The following MRPS6 variants were observed in gnomAD, a reference collection of about 807,000 sequenced individuals.
MRPS6 encodes small ribosomal subunit protein bS6m.
In MRPS6, 6 loss-of-function variants were observed where a neutral mutation model predicts 13.1. The observed-to-expected ratio is 0.46, with a 90% CI of 0.25 to 0.91. The LOEUF (loss-of-function observed/expected upper bound fraction) is 0.91, where lower values mean the gene tolerates loss of function less well. Ranked by LOEUF, MRPS6 falls within the 40% of genes least tolerant of loss-of-function variation. MRPS6 has a pLI of 0.18. For synonymous variants in MRPS6, 61 were observed against 56.5 expected (o/e 1.08, Z -0.36); for missense variants, 164 against 155.6 (o/e 1.05, Z -0.29).
intron 1 of MRPS6, among the ~76,000 whole-genome samples, chr21:34,112,786 G>A (rs1979756424): frequency 6.6e-6 from 1 of 151,990 alleles, no homozygotes; most frequent in South Asian, 2.1e-4. Context: ...TTTTTAAAAT[G>A]TCATGAGTGA....
intron 1 of MRPS6, chr21:34,100,521 T>A: frequency 1.0e-6 from 1 of 1,000,264 alleles, no homozygotes; most frequent in Non-Finnish European, 1.2e-6. Flanking sequence ...CTCCTAGGGC[T>A]TCCTTTTCAC....
intron 1 of MRPS6, chr21:34,103,680 TCA>T (rs1979349990): frequency 2.0e-6 from 2 of 1,000,066 alleles, no homozygotes; most frequent in South Asian, 9.4e-5. Context: ...GGTATTTGTC[TCA>T]GAGTTGCTAT....
At position 34,106,159 on chromosome 21, in the gene MRPS6, A is replaced by G. The variant is rs561454208; in HGVS notation, c.46-19182A>G. On this transcript the variant is annotated intron_variant, in intron 1 of 2. Coordinates refer to ENST00000399312, the MANE Select transcript of MRPS6 (RefSeq NM_032476.4). ...AGATGAACTACATTTCTTGCAAAGT[A>G]CATTCCTTTCTGTGGTATTTTGTCC... 18 of 992,744 alleles carry G rather than the reference A, an allele frequency of 1.8e-5. No homozygotes were observed. In the East Asian group the frequency reaches 1.9e-3, roughly 107 times the overall value. 61.5% of individuals were successfully genotyped at this position (992,744 alleles called of 1,614,324 possible).
intron 1 of MRPS6, among the ~76,000 whole-genome samples, chr21:34,091,496 A>G (rs2148657748): frequency 6.6e-6 from 1 of 152,230 alleles, no homozygotes; most frequent in Middle Eastern, 3.4e-3. Context: ...AACTAATTAC[A>G]TTTTGGTTAA....
At chr21:34,136,517 G>A (rs971500279) in intron 2 of MRPS6, among the ~76,000 whole-genome samples, 2 of 152,204 alleles carry the variant, frequency 1.3e-5, no homozygotes, top group Non-Finnish European at 2.9e-5. Flanking sequence ...TGGCACTTTA[G>A]TAGGTATCTC....
rs776079972 is a variant in MRPS6 at position 34,098,608 on chromosome 21, A to G, written c.45+24863A>G. 187 of 1,000,180 alleles carry G rather than the reference A, an allele frequency of 1.9e-4. 1 individual carries two copies. The highest frequency in any genetic ancestry group is 1.1e-4 in the East Asian group (1 of 8,824). The allele number at this position is 1,000,180 out of a possible 1,614,324, so 62.0% of individuals were successfully genotyped here. ...ATACTTTGCTGTTGTTAGGTTGTCA[A>G]TATAGTCTTTCTGTAGGATGGATAG... On this transcript the variant is annotated intron_variant, in intron 1 of 2. Coordinates refer to ENST00000399312, the MANE Select transcript of MRPS6 (RefSeq NM_032476.4).
chr21:34,101,081 A>G, intron 1 of MRPS6: 1 of 1,000,128 alleles, frequency 1.0e-6, no homozygotes, highest in Non-Finnish European at 1.2e-6. Context: ...CTTTCCTGTT[A>G]AATTACGTGA....
intron 1 of MRPS6, among the ~76,000 whole-genome samples, chr21:34,110,163 C>A (rs1241890543): frequency 6.6e-6 from 1 of 152,098 alleles, no homozygotes; most frequent in African/African-American, 2.4e-5. Flanking sequence ...TCAAAGGGGC[C>A]TTAAAAGCTG....
chr21:34,115,435 C>G (rs1184000373), intron 1 of MRPS6, among the ~76,000 whole-genome samples: 1 of 152,194 alleles, frequency 6.6e-6, no homozygotes, highest in Non-Finnish European at 1.5e-5. Flanking sequence ...TTGGTGCACT[C>G]TGATTCTGGG....
chr21:34,124,035 T>TC (rs1353197567), intron 1 of MRPS6: 1 of 152,238 alleles, frequency 6.6e-6, no homozygotes, highest in African/African-American at 2.4e-5. Flanking sequence ...TCCTTTCCTC[T>TC]CCCCCTCCAC....
At chr21:34,102,231 T>C in intron 1 of MRPS6, 1 of 999,810 alleles carries the variant, frequency 1.0e-6, no homozygotes, top group Non-Finnish European at 1.2e-6. Context: ...ATTAACTGGC[T>C]TTGCCAGTGG....
intron 1 of MRPS6, chr21:34,103,315 T>TAAAAAAAAAA: frequency 2.2e-6 from 2 of 911,356 alleles, no homozygotes; most frequent in South Asian, 5.2e-5. Context: ...GTGAAGGAAG[T>TAAAAAAAAAA]AAAAAAAAAA....
At chr21:34,103,201 G>A (rs1011712339) in intron 1 of MRPS6, 3 of 999,722 alleles carry the variant, frequency 3.0e-6, no homozygotes, top group African/African-American at 1.8e-5. Context: ...TATGTGTTTG[G>A]ATTAGTGCCT....
chr21:34,087,480 A>G (rs1270254466), intron 1 of MRPS6, among the ~76,000 whole-genome samples: 1 of 152,222 alleles, frequency 6.6e-6, no homozygotes, highest in East Asian at 1.9e-4. Context: ...TTCTACCCTC[A>G]TGGAGTTTAC....
At chr21:34,100,419 C>T (rs1030524337) in intron 1 of MRPS6, 1 of 1,000,166 alleles carries the variant, frequency 1.0e-6, no homozygotes, top group African/African-American at 1.7e-5. Flanking sequence ...CTATTCTTTC[C>T]TGGGGGTAAT....
At chr21:34,076,060 T>A (rs1042207242) in intron 1 of MRPS6, among the ~76,000 whole-genome samples, 1 of 152,200 alleles carries the variant, frequency 6.6e-6, no homozygotes, top group Non-Finnish European at 1.5e-5. Flanking sequence ...ACCCCTTTAA[T>A]ATGATGTATT....
intron 1 of MRPS6, chr21:34,099,994 G>A: frequency 1.6e-6 from 1 of 645,036 alleles, no homozygotes; most frequent in Non-Finnish European, 2.0e-6. Context: ...TACATGGACT[G>A]TCTTAAGCTA....
intron 1 of MRPS6, among the ~76,000 whole-genome samples, chr21:34,094,537 T>C (rs1978873633): frequency 6.6e-6 from 1 of 152,190 alleles, no homozygotes; most frequent in South Asian, 2.1e-4. Flanking sequence ...AAGATCTTAG[T>C]GCCTGTCCTA....
chr21:34,102,629 T>TA, intron 1 of MRPS6: 1 of 1,000,210 alleles, frequency 1.0e-6, no homozygotes, highest in South Asian at 4.7e-5. Context: ...TAATGACTCT[T>TA]AAATTTGGTT....
Sources: gnomAD v4.1 joint callset for allele counts (sites outside exome capture counted in the v4.1 genomes callset) on GRCh38, gnomAD v4.1.1 for gene constraint, MANE v1.5 for transcripts, NCBI Gene and HGNC (gene_info 2026-07-23, HGNC 2026-07-21) for gene names.